The following AR variants were observed in gnomAD, a reference collection of about 807,000 sequenced individuals.
AR encodes dihydrotestosterone receptor.
In AR, 8 loss-of-function variants were observed where a neutral mutation model predicts 53.9. That is an observed-to-expected ratio of 0.15 (90% CI 0.09 to 0.27). AR has a LOEUF of 0.27. Among genes scored for constraint, AR ranks in the 10% least tolerant of loss-of-function variants. The probability of loss-of-function intolerance (pLI) is 1.00; values close to 1 mark genes in which losing one functional copy is unlikely to be tolerated. For synonymous variants in AR, 359 were observed against 316.4 expected, an observed-to-expected ratio of 1.13 and a Z score of -1.43; for missense variants, 639 against 742.5, an observed-to-expected ratio of 0.86 and a Z score of 1.62.
chrX:67,702,531 CCTT>C (rs772381614), intron 3 of AR, among the ~76,000 whole-genome samples: 1 of 112,217 alleles, frequency 8.9e-6, no homozygotes, highest in East Asian at 2.8e-4. Flanking sequence ...ATGCATATCT[CCTT>C]ATTACTGGCT....
rs2147320065 is a variant in AR, at chrX:67,546,234, A to G, written c.1088A>G (p.Asp363Gly). The change falls in exon 1 of 8, where the codon GAC (aspartate) becomes GGC (glycine). Residue 363 changes from aspartate (D) to glycine (G), a missense_variant. Around this residue, in one of 5 missense-constraint regions of AR, gnomAD observed 423 missense variants for 377.0 expected, o/e 1.12. Coordinates refer to ENST00000374690, the MANE Select transcript of AR (RefSeq NM_000044.6). Reference protein sequence around the residue: ...LDEAAAYQSRDYYNFPLALAG... With the variant: ...LDEAAAYQSRGYYNFPLALAG... ...GAGGCAGCTGCGTACCAGAGTCGCG[A>G]CTACTACAACTTTCCACTGGCTCTG... 1.7e-6 allele frequency: 2 copies of G among 1,211,133 alleles called. No individual in the cohort carries two copies. The highest frequency in any genetic ancestry group is 2.2e-6 in the Non-Finnish European group (2 of 895,270).
chrX:67,637,380 A>C (rs1178339004), intron 1 of AR, among the ~76,000 whole-genome samples: 1 of 82,328 alleles, frequency 1.2e-5, no homozygotes, highest in Admixed American at 1.7e-4. Flanking sequence ...TCCTGTGTCC[A>C]TGTGTTCTCA....
At chrX:67,560,821 G>T (rs898733441) in intron 1 of AR, among the ~76,000 whole-genome samples, 3 of 111,118 alleles carry the variant, frequency 2.7e-5, no homozygotes, top group African/African-American at 9.8e-5. Flanking sequence ...ATTCTTCTAT[G>T]ACAGCCCCCT....
At chrX:67,587,818 G>A (rs1239283616) in intron 1 of AR, among the ~76,000 whole-genome samples, 1 of 110,078 alleles carries the variant, frequency 9.1e-6, no homozygotes, top group Non-Finnish European at 1.9e-5. Context: ...ATTTTTGTGA[G>A]AATGAAAATG....
At chrX:67,650,533 C>A in intron 2 of AR, among the ~76,000 whole-genome samples, 1 of 112,337 alleles carries the variant, frequency 8.9e-6, no homozygotes, top group African/African-American at 3.2e-5. Context: ...CAGCAAGGAG[C>A]ATACTGCTCC....
At chrX:67,661,119 A>T (rs1210671581) in intron 2 of AR, among the ~76,000 whole-genome samples, 1 of 111,511 alleles carries the variant, frequency 9.0e-6, no homozygotes, top group Non-Finnish European at 1.9e-5. Context: ...TTGGGTTGAG[A>T]CGATGGGGTT....
At chrX:67,649,944 C>T (rs1300514003) in intron 2 of AR, among the ~76,000 whole-genome samples, 1 of 111,722 alleles carries the variant, frequency 9.0e-6, no homozygotes, top group African/African-American at 3.3e-5. Context: ...GCCATGAAGA[C>T]TTTGCCCATT....
chrX:67,638,547 T>A (rs1925574425), intron 1 of AR, among the ~76,000 whole-genome samples: 1 of 112,027 alleles, frequency 8.9e-6, no homozygotes. Context: ...TTCATTGTGG[T>A]TTTGATTTGC....
chrX:67,597,124 C>A, intron 1 of AR, among the ~76,000 whole-genome samples: 1 of 111,717 alleles, frequency 9.0e-6, no homozygotes, highest in East Asian at 2.8e-4. Flanking sequence ...AGTCAAAAAC[C>A]TTTTTTTGCA....
intron 2 of AR, among the ~76,000 whole-genome samples, chrX:67,665,608 T>C (rs979541818): frequency 2.7e-5 from 3 of 111,400 alleles, no homozygotes; most frequent in Non-Finnish European, 5.6e-5. Context: ...TATGCTCCTA[T>C]GGGGTCCTAG....
intron 2 of AR, among the ~76,000 whole-genome samples, chrX:67,664,916 AG>A (rs1386957143): frequency 8.9e-6 from 1 of 112,909 alleles, no homozygotes; most frequent in Non-Finnish European, 1.9e-5. Context: ...CCTCTGAGCC[AG>A]GCACAGGATA....
chrX:67,600,663 A>C (rs1923310882), intron 1 of AR, among the ~76,000 whole-genome samples: 1 of 111,540 alleles, frequency 9.0e-6, no homozygotes, highest in African/African-American at 3.2e-5. Context: ...ATAGTTAATA[A>C]TAATTTAATT....
chrX:67,627,471 T>A (rs1207557737), intron 1 of AR, among the ~76,000 whole-genome samples: 1 of 112,050 alleles, frequency 8.9e-6, no homozygotes, highest in East Asian at 2.8e-4. Flanking sequence ...CACTTTTTGA[T>A]GGGGTCGTTT....
chrX:67,716,501 G>A (rs752969708), intron 4 of AR, among the ~76,000 whole-genome samples: 141 of 111,686 alleles, frequency 1.3e-3, no homozygotes, highest in Admixed American at 2.3e-3. Flanking sequence ...GCATGTGAGA[G>A]CGCAAGTGGC....
intron 1 of AR, among the ~76,000 whole-genome samples, chrX:67,583,984 G>T (rs1019134678): frequency 8.9e-6 from 1 of 112,083 alleles, no homozygotes; most frequent in Non-Finnish European, 1.9e-5. Context: ...TAAACGCAAA[G>T]CACAGGACTA....
intron 2 of AR, chrX:67,680,756 C>A: frequency 3.0e-6 from 1 of 330,956 alleles, no homozygotes; most frequent in South Asian, 2.6e-5. Context: ...GAATCATAAT[C>A]AGACACTAAC....
At chrX:67,618,613 C>T (rs759702674) in intron 1 of AR, among the ~76,000 whole-genome samples, 60 of 111,341 alleles carry the variant, frequency 5.4e-4, no homozygotes, top group African/African-American at 1.9e-3. Context: ...ATAGAAGTAC[C>T]GTATAATGCA....
chrX:67,707,685 G>T (rs2076074922), intron 3 of AR, among the ~76,000 whole-genome samples: 1 of 111,796 alleles, frequency 8.9e-6, no homozygotes, highest in African/African-American at 3.3e-5. Context: ...TCCTGTCATT[G>T]TGATGTTAGC....
chrX:67,698,194 C>T (rs1169540431), intron 3 of AR, among the ~76,000 whole-genome samples: 7 of 111,850 alleles, frequency 6.3e-5, no homozygotes, highest in Admixed American at 1.9e-4. Flanking sequence ...GGAAAGATGT[C>T]CCTGAGGCCC....
Sources: gnomAD v4.1 joint callset for allele counts (sites outside exome capture counted in the v4.1 genomes callset) on GRCh38, gnomAD v4.1.1 for gene constraint, gnomAD v4.1.1 regional missense constraint, MANE v1.5 for transcripts, NCBI Gene and HGNC (gene_info 2026-07-23, HGNC 2026-07-21) for gene names.